Variants in GLIPR2 observed in about 807,000 individuals in gnomAD.
GLIPR2 encodes GLI pathogenesis related 2.
GLIPR2 carries 21 observed loss-of-function variants against 20.4 expected under a neutral mutation model. The ratio of observed to expected loss-of-function variants is 1.03; its 90% CI spans 0.73 to 1.48. GLIPR2 has a LOEUF of 1.48. Among genes scored for constraint, GLIPR2 ranks in the 40% most tolerant of loss-of-function variants. GLIPR2 has a pLI of 0.00. For missense variants in GLIPR2, 205 were observed against 200.1 expected (o/e 1.02, Z -0.15); for synonymous variants, 91 against 80.5 (o/e 1.13, Z -0.70).
intron 1 of GLIPR2, among the ~76,000 whole-genome samples, chr9:36,146,958 G>A (rs1825355526): frequency 6.6e-6 from 1 of 152,088 alleles, no homozygotes; most frequent in Non-Finnish European, 1.5e-5. Flanking sequence ...GTCCTAGTGG[G>A]GACTCTGCGG....
intron 1 of GLIPR2, chr9:36,141,943 A>G (rs1825108420): frequency 2.2e-6 from 1 of 449,446 alleles, no homozygotes; most frequent in Non-Finnish European, 4.4e-6. Context: ...CCTCCACCCC[A>G]GCAGAGACAG....
At chr9:36,155,310 A>T (rs1350679422) in intron 4 of GLIPR2, among the ~76,000 whole-genome samples, 1 of 152,204 alleles carries the variant, frequency 6.6e-6, no homozygotes, top group Non-Finnish European at 1.5e-5. Flanking sequence ...AAATGTTTTA[A>T]ATGGCTGGGC....
chr9:36,157,767 C>T (rs540741386), intron 4 of GLIPR2, among the ~76,000 whole-genome samples: 1 of 151,630 alleles, frequency 6.6e-6, no homozygotes, highest in South Asian at 2.1e-4. Flanking sequence ...CTTATCCTTT[C>T]ACTTGTTGAT....
intron 4 of GLIPR2, 111 bp from the exon 5 acceptor site, chr9:36,162,251 C>A: frequency 6.3e-7 from 1 of 1,599,570 alleles, no homozygotes. Context: ...GAAGACCATG[C>A]TGACCTGAGC....
intron 1 of GLIPR2, among the ~76,000 whole-genome samples, chr9:36,139,519 A>G (rs1824977339): frequency 6.6e-6 from 1 of 152,058 alleles, no homozygotes; most frequent in Non-Finnish European, 1.5e-5. Flanking sequence ...CTCAAGCTCA[A>G]CCTTGAAGTT....
intron 4 of GLIPR2, among the ~76,000 whole-genome samples, chr9:36,154,930 G>A (rs1825765816): frequency 6.6e-6 from 1 of 152,232 alleles, no homozygotes; most frequent in Non-Finnish European, 1.5e-5. Flanking sequence ...GTGGTCTCCT[G>A]TGAGAGCAGG....
rs200127142 is a variant in GLIPR2 at position 36,157,709 on chromosome 9, CACACATAT to C, written c.305-4651_305-4644del. ...ACACACACACACACACACACACACACACACATATATATATACACATATATACATATATA... is the reference window on the plus strand; with the variant it reads ...ACACACACACACACACACACACACACATATATACACATATATACATATATA... On this transcript the variant is annotated intron_variant, in intron 4 of 4. Coordinates refer to ENST00000377960, the MANE Select transcript of GLIPR2 (RefSeq NM_022343.4). Among the ~76,000 whole-genome samples the C allele has an allele frequency of 6.2e-3, 882 of 142,704 alleles. 4 individuals carry two copies. Among genetic ancestry groups the C allele is most frequent in the Non-Finnish European group, 9.0e-3 (578 of 64,130 alleles). The allele number at this position is 142,704 out of a possible 152,430, so 93.6% of individuals were successfully genotyped here.
chr9:36,147,999 G>C (rs1471394787), intron 2 of GLIPR2, 105 bp downstream of exon 2: 5 of 741,986 alleles, frequency 6.7e-6, no homozygotes, highest in Non-Finnish European at 1.2e-5. Context: ...TGTAATTTCA[G>C]CACTTTCAGA....
chr9:36,136,750 C>CG lies in GLIPR2; in HGVS notation c.-25dup. 1 of 1,278,810 alleles carries CG rather than the reference C, an allele frequency of 7.8e-7. No homozygotes were observed. Among genetic ancestry groups the CG allele is most frequent in the East Asian group, 3.2e-5 (1 of 31,598 alleles). The allele number at this position is 1,278,810 out of a possible 1,614,324, so 79.2% of individuals were successfully genotyped here. ...GGGCGAGCGCAGTGCAGCGCAGCCGCGGGGAGCGAGGAGCGCGCGGAGCCG... is the reference window on the plus strand; with the variant it reads ...GGGCGAGCGCAGTGCAGCGCAGCCGCGGGGGAGCGAGGAGCGCGCGGAGCCG... On this transcript the variant is annotated 5_prime_UTR_variant, in exon 1 of 5. Coordinates refer to ENST00000377960, the MANE Select transcript of GLIPR2 (RefSeq NM_022343.4). The surrounding 1 kb of genome is among the most constrained non-coding windows in gnomAD (Gnocchi z 4.3).
At chr9:36,145,899 C>T (rs1164648057) in intron 1 of GLIPR2, among the ~76,000 whole-genome samples, 1 of 152,092 alleles carries the variant, frequency 6.6e-6, no homozygotes, top group African/African-American at 2.4e-5. Context: ...TTATTCTCTC[C>T]CTAACCACAG....
At chr9:36,145,716 G>A (rs1181385362) in intron 1 of GLIPR2, among the ~76,000 whole-genome samples, 1 of 151,640 alleles carries the variant, frequency 6.6e-6, no homozygotes, top group Non-Finnish European at 1.5e-5. Flanking sequence ...GAGGATGTTG[G>A]ATGGATGTAT....
chr9:36,159,202 G>A (rs749214968), intron 4 of GLIPR2, among the ~76,000 whole-genome samples: 3 of 152,244 alleles, frequency 2.0e-5, no homozygotes, highest in Non-Finnish European at 2.9e-5. Flanking sequence ...CAGGAAGCCT[G>A]AGAAATGGGA....
chr9:36,147,987 C>A, intron 2 of GLIPR2, 93 bp downstream of exon 2: 1 of 756,918 alleles, frequency 1.3e-6, no homozygotes, highest in Non-Finnish European at 2.4e-6. Context: ...ATGGCTCACA[C>A]CTGTAATTTC....
chr9:36,154,360 C>T (rs1563886689), intron 4 of GLIPR2, among the ~76,000 whole-genome samples: 1 of 152,138 alleles, frequency 6.6e-6, no homozygotes, highest in Non-Finnish European at 1.5e-5. Flanking sequence ...CCGGAGGTGT[C>T]CTGTGCTTAC....
Position 36,140,707 on chromosome 9 carries a change from G to A in GLIPR2, c.13+3916G>A, listed in dbSNP as rs116553786. Among the ~76,000 whole-genome samples, 886 of 152,288 alleles carry A rather than the reference G, an allele frequency of 5.8e-3. 8 individuals are homozygous for A. The highest frequency in any genetic ancestry group is 0.02 in the African/African-American group (821 of 41,544). ...CCATTTGGAAAAGAGGAAGCAATTC[G>A]TAAAGTGGAAAGTGTGGGAGATTTG... On this transcript the variant is annotated intron_variant, in intron 1 of 4. Coordinates refer to ENST00000377960, the MANE Select transcript of GLIPR2 (RefSeq NM_022343.4).
chr9:36,148,116 C>T (rs1825415409), intron 2 of GLIPR2, among the ~76,000 whole-genome samples: 1 of 152,178 alleles, frequency 6.6e-6, no homozygotes, highest in African/African-American at 2.4e-5. Flanking sequence ...TGTGTGGTGG[C>T]ATGGGCCTGT....
intron 4 of GLIPR2, among the ~76,000 whole-genome samples, chr9:36,157,029 T>A (rs1799056404): frequency 1.3e-5 from 2 of 152,034 alleles, no homozygotes; most frequent in Non-Finnish European, 2.9e-5. Flanking sequence ...TTATTATATT[T>A]TATTTGAGAC....
At chr9:36,144,520 G>GAAGTC (rs923118385) in intron 1 of GLIPR2, 3 of 152,170 alleles carry the variant, frequency 2.0e-5, no homozygotes. Context: ...TGTTGGCCAG[G>GAAGTC]AAGTCCCGAT....
At chr9:36,159,162 C>A (rs564538667) in intron 4 of GLIPR2, among the ~76,000 whole-genome samples, 1 of 152,260 alleles carries the variant, frequency 6.6e-6, no homozygotes, top group Non-Finnish European at 1.5e-5. Context: ...AAGCTATATT[C>A]GTAGCTTGAA....
Sources: allele counts gnomAD v4.1 joint callset (sites outside exome capture counted in the v4.1 genomes callset), GRCh38; gene constraint gnomAD v4.1.1; non-coding constraint Gnocchi (gnomAD v3.1); transcripts MANE v1.5; gene names NCBI Gene and HGNC (gene_info 2026-07-23, HGNC 2026-07-21).